Variants in KAT6B observed in about 807,000 individuals in gnomAD.
KAT6B encodes the protein histone acetyltransferase KAT6B.
A neutral mutation model predicts 187.5 loss-of-function variants in KAT6B; 10 were observed. That is an observed-to-expected ratio of 0.05 (90% CI 0.03 to 0.09). The LOEUF (loss-of-function observed/expected upper bound fraction) is 0.09. Among genes scored for constraint, KAT6B ranks in the 10% least tolerant of loss-of-function variants. KAT6B has a pLI of 1.00. For missense variants in KAT6B, 1,952 were observed against 2,558.9 expected (o/e 0.76, Z 5.12); for synonymous variants, 861 against 926.8 (o/e 0.93, Z 1.29).
At chr10:75,011,522 A>G (rs1844605428) in intron 13 of KAT6B, among the ~76,000 whole-genome samples, 1 of 152,218 alleles carries the variant, frequency 6.6e-6, no homozygotes, top group Non-Finnish European at 1.5e-5. Flanking sequence ...TACTTCAACA[A>G]TTTGGTAAGC....
intron 14 of KAT6B, 50 bp from the exon 15 acceptor site, chr10:75,021,076 G>A: frequency 6.4e-7 from 1 of 1,559,316 alleles, no homozygotes; most frequent in African/African-American, 1.4e-5. Context: ...TGAAGCTGAA[G>A]TGAAATTTCA....
intron 3 of KAT6B, among the ~76,000 whole-genome samples, chr10:74,923,519 A>C (rs1433794746): frequency 6.6e-6 from 1 of 152,164 alleles, no homozygotes; most frequent in Non-Finnish European, 1.5e-5. Context: ...TTGCTTTTTT[A>C]AATAGTTTGA....
At chr10:74,828,867 A>G (rs989874553) in intron 1 of KAT6B, among the ~76,000 whole-genome samples, 3 of 152,112 alleles carry the variant, frequency 2.0e-5, no homozygotes, top group Non-Finnish European at 4.4e-5. Flanking sequence ...GCGCCCGGCC[A>G]TTCATAAGTT....
intron 2 of KAT6B, among the ~76,000 whole-genome samples, chr10:74,839,896 AG>A (rs1719233845): frequency 6.6e-6 from 1 of 152,204 alleles, no homozygotes; most frequent in South Asian, 2.1e-4. Context: ...ATTTTTGTCA[AG>A]GGTTTATATA....
chr10:74,843,953 A>G (rs1841928860), intron 3 of KAT6B, among the ~76,000 whole-genome samples: 1 of 152,182 alleles, frequency 6.6e-6, no homozygotes, highest in Non-Finnish European at 1.5e-5. Context: ...GACTCACTGC[A>G]ACCTCTGCCT....
At chr10:74,934,488 C>T (rs921495881) in intron 3 of KAT6B, among the ~76,000 whole-genome samples, 2 of 152,090 alleles carry the variant, frequency 1.3e-5, no homozygotes, top group African/African-American at 2.4e-5. Context: ...CTGACCATGC[C>T]GGCTGCATCC....
intron 10 of KAT6B, among the ~76,000 whole-genome samples, chr10:74,979,677 A>G (rs985579441): frequency 1.3e-5 from 2 of 151,072 alleles, no homozygotes; most frequent in African/African-American, 4.9e-5. Context: ...ATTATTGGGT[A>G]GACTTTCTTC....
intron 3 of KAT6B, among the ~76,000 whole-genome samples, chr10:74,886,553 C>T (rs750822627): frequency 2.0e-5 from 3 of 152,100 alleles, no homozygotes; most frequent in South Asian, 2.1e-4. Context: ...GCTTCCTCTC[C>T]GCTCCCCCGT....
At chr10:75,021,546 G>A (rs1375009151) in intron 15 of KAT6B, among the ~76,000 whole-genome samples, 3 of 152,076 alleles carry the variant, frequency 2.0e-5, no homozygotes, top group Admixed American at 6.5e-5. Context: ...GATCAAATTC[G>A]GTGCTGAGCT....
intron 3 of KAT6B, among the ~76,000 whole-genome samples, chr10:74,849,840 G>C (rs1842354840): frequency 6.6e-6 from 1 of 152,134 alleles, no homozygotes; most frequent in Admixed American, 6.5e-5. Flanking sequence ...TTTGCCCAAG[G>C]TCACTGATAG....
chr10:74,828,908 A>C (rs1440033714), intron 1 of KAT6B, among the ~76,000 whole-genome samples: 2 of 152,048 alleles, frequency 1.3e-5, no homozygotes, highest in Non-Finnish European at 2.9e-5. Flanking sequence ...GAATTTGGAC[A>C]GTATTTTATG....
chr10:74,881,031 A>G (rs989018666), intron 3 of KAT6B, among the ~76,000 whole-genome samples: 8 of 151,220 alleles, frequency 5.3e-5, no homozygotes, highest in Non-Finnish European at 1.2e-4. Context: ...TCAAGCCATT[A>G]TCCTACCTCA....
intron 4 of KAT6B, among the ~76,000 whole-genome samples, chr10:74,966,453 A>G (rs1327455368): frequency 6.6e-6 from 1 of 152,236 alleles, no homozygotes; most frequent in African/African-American, 2.4e-5. Context: ...TGCTTACTAC[A>G]GAGCCTGTGT....
In KAT6B at chr10:75,031,879, TA is replaced by T. The variant is rs1026565904; in HGVS notation, c.*842del. On this transcript the variant is annotated 3_prime_UTR_variant, in exon 18 of 18. Transcript: ENST00000287239. Reference sequence around the variant, plus strand: ...ATATGTCCAAATACTTGGCAGGATTTAAAAAAAAATAGTGAATTTGGTGTAA... The same window carrying T: ...ATATGTCCAAATACTTGGCAGGATTTAAAAAAAATAGTGAATTTGGTGTAA... 6.1e-4 allele frequency: 119 copies of T among 193,766 alleles called. No homozygotes were observed. Among genetic ancestry groups the T allele is most frequent in the Middle Eastern group, 1.7e-3 (1 of 574 alleles). The allele number at this position is 193,766 out of a possible 1,614,324, so 12.0% of individuals were successfully genotyped here. A position where few individuals can be genotyped will look rare whatever the true frequency, so the allele number is the denominator to read the frequency against.
intron 4 of KAT6B, among the ~76,000 whole-genome samples, chr10:74,962,206 G>A (rs1170225850): frequency 6.6e-6 from 1 of 152,198 alleles, no homozygotes; most frequent in African/African-American, 2.4e-5. Context: ...TAAATCAGAA[G>A]AATAGACTTT....
chr10:74,892,794 C>T (rs1845726764), intron 3 of KAT6B, among the ~76,000 whole-genome samples: 1 of 152,130 alleles, frequency 6.6e-6, no homozygotes. Context: ...AGAATGGACT[C>T]CTGAGAAAGC....
At chr10:75,005,090 A>G (rs1287655914) in intron 13 of KAT6B, among the ~76,000 whole-genome samples, 1 of 152,216 alleles carries the variant, frequency 6.6e-6, no homozygotes, top group African/African-American at 2.4e-5. Flanking sequence ...TTGGGTTTCA[A>G]GAGAACTATT....
At chr10:74,858,283 ATT>A (rs755754008) in intron 3 of KAT6B, among the ~76,000 whole-genome samples, 52 of 135,026 alleles carry the variant, frequency 3.9e-4, no homozygotes, top group Non-Finnish European at 4.0e-4. Flanking sequence ...TGGATGGGCA[ATT>A]TTTTTTTTTT....
At chr10:74,920,889 A>C (rs1848061620) in intron 3 of KAT6B, among the ~76,000 whole-genome samples, 1 of 152,130 alleles carries the variant, frequency 6.6e-6, no homozygotes, top group Non-Finnish European at 1.5e-5. Flanking sequence ...TAACCACTGA[A>C]ACCCTGGGCA....
Sources: allele counts gnomAD v4.1 joint callset (sites outside exome capture counted in the v4.1 genomes callset), GRCh38; gene constraint gnomAD v4.1.1; transcripts MANE v1.5; gene names NCBI Gene and HGNC (gene_info 2026-07-23, HGNC 2026-07-21).